Variants in PCGF5 observed in about 807,000 individuals in gnomAD.
The protein encoded by PCGF5 is polycomb group ring finger 5.
PCGF5 carries 9 observed loss-of-function variants against 44.3 expected under a neutral mutation model. The ratio of observed to expected loss-of-function variants is 0.20; its 90% CI spans 0.12 to 0.35. PCGF5 has a LOEUF of 0.35. Ranked by LOEUF, PCGF5 falls within the 10% of genes least tolerant of loss-of-function variation. The probability of loss-of-function intolerance (pLI) is 1.00; values close to 1 mark genes in which losing one functional copy is unlikely to be tolerated. For missense variants in PCGF5, 146 were observed against 305.3 expected, an observed-to-expected ratio of 0.48 and a Z score of 3.89; for synonymous variants, 95 against 102.5, an observed-to-expected ratio of 0.93 and a Z score of 0.44.
intron 2 of PCGF5, among the ~76,000 whole-genome samples, chr10:91,226,354 A>C (rs1341479942): frequency 6.6e-6 from 1 of 151,882 alleles, no homozygotes; most frequent in African/African-American, 2.4e-5. Flanking sequence ...CTATGATATA[A>C]TAGCAGATGT....
upstream of PCGF5, among the ~76,000 whole-genome samples, chr10:91,158,027 C>CT (rs35636647): frequency 1.3e-5 from 2 of 152,144 alleles, no homozygotes; most frequent in Non-Finnish European, 2.9e-5. Context: ...CAATTACTTA[C>CT]TTTTTAAGAT....
chr10:91,216,547 A>T (rs1250882718), upstream of PCGF5, among the ~76,000 whole-genome samples: 2 of 152,216 alleles, frequency 1.3e-5, no homozygotes, highest in Non-Finnish European at 2.9e-5. Context: ...TCATTTATAT[A>T]GTTAGAAAGA....
chr10:91,239,933 G>A (rs533673394), intron 2 of PCGF5, among the ~76,000 whole-genome samples: 3 of 151,764 alleles, frequency 2.0e-5, no homozygotes, highest in Non-Finnish European at 2.9e-5. Context: ...TTCATACTTC[G>A]TGCTCCATGG....
intron 3 of PCGF5, among the ~76,000 whole-genome samples, chr10:91,241,366 C>T (rs552450253): frequency 1.3e-4 from 20 of 152,172 alleles, no homozygotes; most frequent in African/African-American, 4.8e-4. Flanking sequence ...CCACACCTGG[C>T]CTAATCATAT....
chr10:91,174,241 T>A (rs1843662671), intron 1 of PCGF5, among the ~76,000 whole-genome samples: 1 of 152,108 alleles, frequency 6.6e-6, no homozygotes, highest in Non-Finnish European at 1.5e-5. Flanking sequence ...GCACAGTGGC[T>A]CATGCCTGTA....
chr10:91,205,290 G>GAC (rs55858066), intron 1 of PCGF5, among the ~76,000 whole-genome samples: 74,905 of 149,300 alleles, frequency 0.5, 22,543 homozygotes, highest in Non-Finnish European at 0.68. Context: ...TAAATGACTG[G>GAC]ACACACACAC....
intron 8 of PCGF5, among the ~76,000 whole-genome samples, chr10:91,267,291 C>T (rs1846070881): frequency 6.6e-6 from 1 of 152,184 alleles, no homozygotes; most frequent in Non-Finnish European, 1.5e-5. Flanking sequence ...ACTACAACCC[C>T]CTCTCCCGAT....
At position 91,237,636 on chromosome 10, in the gene PCGF5, A is replaced by G. The variant is rs575275892; in HGVS notation, c.113-2848A>G. Among the ~76,000 whole-genome samples the G allele has an allele frequency of 5.3e-5, 8 of 151,976 alleles. No individual in the cohort carries two copies. In the South Asian group the frequency reaches 1.7e-3, roughly 32 times the overall value. ...ATGGGCACCTGTAATCCCAGCTACT[A>G]GGGAGGCTGAGGCAGGAGAATCACT... On this transcript the variant is annotated intron_variant, in intron 2 of 9. Transcript: ENST00000336126.
intron 1 of PCGF5, among the ~76,000 whole-genome samples, chr10:91,189,468 T>C (rs921503922): frequency 1.3e-5 from 2 of 151,664 alleles, no homozygotes; most frequent in African/African-American, 4.9e-5. Context: ...CTGTAAATTA[T>C]TGAGAATCTA....
rs879550410 is a variant in PCGF5 at position 91,259,550 on chromosome 10, C to T, written c.475-1776C>T. Among the ~76,000 whole-genome samples, 16 of 152,170 alleles carry T rather than the reference C, an allele frequency of 1.1e-4. 1 individual carries two copies. Among genetic ancestry groups the T allele is most frequent in the Non-Finnish European group, 2.4e-4 (16 of 68,032 alleles). ...CAAAAGAACAAAGCTGGAGGCATCA[C>T]GCTACCTGACTTCAAAGTATTCTAC... On this transcript the variant is annotated intron_variant, in intron 6 of 9. Coordinates refer to ENST00000336126, the MANE Select transcript of PCGF5 (RefSeq NM_032373.5).
chr10:91,275,448 T>A (rs1329142535), intron 9 of PCGF5, among the ~76,000 whole-genome samples: 1 of 151,182 alleles, frequency 6.6e-6, no homozygotes, highest in African/African-American at 2.4e-5. Context: ...ACATTTTATT[T>A]TTTTTTTTTT....
At chr10:91,205,708 G>A (rs898057522) in intron 1 of PCGF5, among the ~76,000 whole-genome samples, 6 of 152,192 alleles carry the variant, frequency 3.9e-5, no homozygotes, top group Non-Finnish European at 7.3e-5. Context: ...GCTGGGCGTG[G>A]TGGCTCACCC....
chr10:91,254,203 CGT>C (rs148669111), intron 6 of PCGF5, among the ~76,000 whole-genome samples: 155 of 147,690 alleles, frequency 1.0e-3, no homozygotes, highest in South Asian at 3.2e-3. Context: ...CCCTCCACCT[CGT>C]GTGTGTGTGT....
intron 1 of PCGF5, among the ~76,000 whole-genome samples, chr10:91,175,853 A>G (rs1454888337): frequency 6.6e-6 from 1 of 151,562 alleles, no homozygotes; most frequent in Non-Finnish European, 1.5e-5. Flanking sequence ...ATGGGTCTTG[A>G]CTCTTTATCC....
chr10:91,230,346 A>T (rs1487667926), intron 2 of PCGF5, among the ~76,000 whole-genome samples: 1 of 152,200 alleles, frequency 6.6e-6, no homozygotes, highest in Non-Finnish European at 1.5e-5. Flanking sequence ...CAAGGGTTCA[A>T]TATAAGCATT....
rs1043945302 is a variant in PCGF5, at chr10:91,261,320, C to T, written c.475-6C>T. On this transcript the variant is annotated splice_polypyrimidine_tract_variant and splice_region_variant and intron_variant, in intron 6 of 9. Transcript: ENST00000336126. Reference sequence around the variant, plus strand: ...CATTTTAACTGGTAATCTTTATTTCCTTTAGGGTTTAATGAAGAAATTCAT... The same window carrying T: ...CATTTTAACTGGTAATCTTTATTTCTTTTAGGGTTTAATGAAGAAATTCAT... The T allele has an allele frequency of 3.3e-6, 5 of 1,495,122 alleles. No homozygotes were observed. Among genetic ancestry groups the T allele is most frequent in the Non-Finnish European group, 4.5e-6 (5 of 1,110,974 alleles). The allele number at this position is 1,495,122 out of a possible 1,614,324, so 92.6% of individuals were successfully genotyped here.
At chr10:91,259,195 A>G (rs1361689619) in intron 6 of PCGF5, among the ~76,000 whole-genome samples, 2 of 152,164 alleles carry the variant, frequency 1.3e-5, no homozygotes, top group African/African-American at 4.8e-5. Context: ...AATGAGACAC[A>G]TCAGGCACAG....
chr10:91,206,325 G>A (rs1729090386), intron 1 of PCGF5, among the ~76,000 whole-genome samples: 1 of 152,090 alleles, frequency 6.6e-6, no homozygotes. Context: ...GTGAAAACAA[G>A]CACTAGATGT....
chr10:91,239,747 GATT>G (rs1845273927), intron 2 of PCGF5, among the ~76,000 whole-genome samples: 1 of 152,158 alleles, frequency 6.6e-6, no homozygotes, highest in East Asian at 1.9e-4. Flanking sequence ...TAGCCAGAGA[GATT>G]AGTAGTGTTT....
Sources: gnomAD v4.1 joint callset for allele counts (sites outside exome capture counted in the v4.1 genomes callset) on GRCh38, gnomAD v4.1.1 for gene constraint, MANE v1.5 for transcripts, NCBI Gene and HGNC (gene_info 2026-07-23, HGNC 2026-07-21) for gene names.